The following CNTN4 variants were observed in gnomAD, a reference collection of about 807,000 sequenced individuals.
The protein encoded by CNTN4 is contactin-4.
In CNTN4, 77 loss-of-function variants were observed where a neutral mutation model predicts 122.5. The ratio of observed to expected loss-of-function variants is 0.63; its 90% CI spans 0.52 to 0.76. The LOEUF (loss-of-function observed/expected upper bound fraction) is 0.76. Among genes scored for constraint, CNTN4 ranks in the 30% least tolerant of loss-of-function variants. The probability of loss-of-function intolerance (pLI) is 0.00; values close to 1 mark genes in which losing one functional copy is unlikely to be tolerated. For missense variants in CNTN4, 1,256 were observed against 1,259.1 expected, an observed-to-expected ratio of 1.00 and a Z score of 0.04; for synonymous variants, 512 against 447.0, an observed-to-expected ratio of 1.15 and a Z score of -1.83.
intron 14 of CNTN4, among the ~76,000 whole-genome samples, chr3:2,993,290 G>A (rs3967344): frequency 0.12 from 18,800 of 150,884 alleles, 1,476 homozygotes; most frequent in Non-Finnish European, 0.17. Context: ...TTATGACAGA[G>A]ACTGTGTAAT....
chr3:2,399,847 G>A (rs1382035611), intron 3 of CNTN4, among the ~76,000 whole-genome samples: 1 of 151,938 alleles, frequency 6.6e-6, no homozygotes, highest in African/African-American at 2.4e-5. Flanking sequence ...AAAATCAAAT[G>A]GTTTCATCAT....
chr3:2,338,470 GT>G (rs1165945726), intron 2 of CNTN4, among the ~76,000 whole-genome samples: 3 of 151,862 alleles, frequency 2.0e-5, no homozygotes, highest in African/African-American at 7.2e-5. Context: ...TTTATTTTCA[GT>G]TATTAAAACT....
rs578252176 is a variant in CNTN4 at position 2,238,256 on chromosome 3, A to G, written c.-144-100922A>G. Reference sequence around the variant, plus strand: ...TTCTAGGAATTGTATAACAGTTTTGATTACTGATTTTGACGGGACTACTTT... The same window carrying G: ...TTCTAGGAATTGTATAACAGTTTTGGTTACTGATTTTGACGGGACTACTTT... On this transcript the variant is annotated intron_variant, in intron 2 of 24. Coordinates refer to ENST00000418658, the MANE Select transcript of CNTN4 (RefSeq NM_175607.3). 1.5e-3 allele frequency among the ~76,000 whole-genome samples: 231 copies of G among 152,234 alleles called. 1 individual carries two copies. In the Middle Eastern group the frequency reaches 0.024, roughly 16 times the overall value.
chr3:2,398,995 A>G (rs1036435898), intron 3 of CNTN4, among the ~76,000 whole-genome samples: 2 of 152,182 alleles, frequency 1.3e-5, no homozygotes, highest in Admixed American at 6.6e-5. Context: ...TTTAAAACCC[A>G]TATGGTAACT....
At chr3:2,684,017 G>A (rs2085304221) in intron 4 of CNTN4, among the ~76,000 whole-genome samples, 1 of 152,148 alleles carries the variant, frequency 6.6e-6, no homozygotes, top group Non-Finnish European at 1.5e-5. Context: ...CAACCTTACA[G>A]GCAGGGTTTA....
intron 2 of CNTN4, among the ~76,000 whole-genome samples, chr3:2,293,670 A>G (rs2042209429): frequency 6.6e-6 from 1 of 152,200 alleles, no homozygotes; most frequent in African/African-American, 2.4e-5. Context: ...TTATTACTTT[A>G]TATCTTTCTT....
chr3:3,019,251 G>A (rs1019394145), intron 14 of CNTN4, among the ~76,000 whole-genome samples: 40 of 152,124 alleles, frequency 2.6e-4, no homozygotes, highest in African/African-American at 8.7e-4. Context: ...ATCAGGTACT[G>A]GTGTAATCTT....
At chr3:2,464,622 A>G (rs1271042686) in intron 3 of CNTN4, among the ~76,000 whole-genome samples, 1 of 152,194 alleles carries the variant, frequency 6.6e-6, no homozygotes, top group Non-Finnish European at 1.5e-5. Context: ...AAAATGATAC[A>G]TTATTGGGAT....
chr3:2,592,413 C>T (rs1004917153), intron 4 of CNTN4, among the ~76,000 whole-genome samples: 11 of 152,156 alleles, frequency 7.2e-5, no homozygotes, highest in African/African-American at 2.4e-4. Context: ...TGGTTTGGTT[C>T]TGTGTCCCCA....
intron 2 of CNTN4, among the ~76,000 whole-genome samples, chr3:2,185,110 GC>G (rs1482352855): frequency 1.2e-4 from 18 of 152,128 alleles, no homozygotes; most frequent in Admixed American, 1.1e-3. Context: ...ATGGAGCCTG[GC>G]CTGGGCTTTT....
At chr3:2,675,176 AT>A (rs1320180126) in intron 4 of CNTN4, among the ~76,000 whole-genome samples, 1 of 151,234 alleles carries the variant, frequency 6.6e-6, no homozygotes, top group East Asian at 1.9e-4. Context: ...AAACACCCAT[AT>A]TTTTTAAAAG....
intron 6 of CNTN4, among the ~76,000 whole-genome samples, chr3:2,770,015 TTTTG>T (rs138191263): frequency 0.78 from 109,321 of 140,184 alleles, 43,987 homozygotes; most frequent in Non-Finnish European, 0.88. Flanking sequence ...CTCTGTCTCT[TTTTG>T]TTTGTTTGTT....
chr3:2,674,315 G>A (rs995031502), intron 4 of CNTN4, among the ~76,000 whole-genome samples: 1 of 151,844 alleles, frequency 6.6e-6, no homozygotes, highest in Non-Finnish European at 1.5e-5. Flanking sequence ...ATATTTATGG[G>A]GTTCAGTGTG....
intron 3 of CNTN4, among the ~76,000 whole-genome samples, chr3:2,550,922 G>A: frequency 6.6e-6 from 1 of 152,082 alleles, no homozygotes; most frequent in East Asian, 1.9e-4. Context: ...GACACAGGGA[G>A]GGGAACATCA....
chr3:2,247,879 C>G (rs2040216687), intron 2 of CNTN4, among the ~76,000 whole-genome samples: 1 of 151,986 alleles, frequency 6.6e-6, no homozygotes, highest in South Asian at 2.1e-4. Flanking sequence ...ATTTTCTCTA[C>G]AATTCTCTCA....
chr3:2,241,339 C>T (rs1417191394), intron 2 of CNTN4, among the ~76,000 whole-genome samples: 1 of 152,114 alleles, frequency 6.6e-6, no homozygotes, highest in Non-Finnish European at 1.5e-5. Flanking sequence ...AGTTACAATG[C>T]TGACATCAAG....
chr3:3,031,495 T>C (rs1699158374), intron 16 of CNTN4, among the ~76,000 whole-genome samples: 1 of 152,108 alleles, frequency 6.6e-6, no homozygotes, highest in African/African-American at 2.4e-5. Context: ...TGGGATGTAG[T>C]AAATGAGCTG....
chr3:2,251,020 A>G (rs912759003), intron 2 of CNTN4, among the ~76,000 whole-genome samples: 1 of 151,912 alleles, frequency 6.6e-6, no homozygotes, highest in African/African-American at 2.4e-5. Flanking sequence ...TCACCTATAT[A>G]TATAGTGTCA....
chr3:2,700,410 A>G (rs986076552), intron 4 of CNTN4, among the ~76,000 whole-genome samples: 2 of 152,186 alleles, frequency 1.3e-5, no homozygotes, highest in East Asian at 3.9e-4. Flanking sequence ...TGAATGCATG[A>G]TTTGGTTTGT....
Sources: allele counts gnomAD v4.1 joint callset (sites outside exome capture counted in the v4.1 genomes callset), GRCh38; gene constraint gnomAD v4.1.1; transcripts MANE v1.5; gene names NCBI Gene and HGNC (gene_info 2026-07-23, HGNC 2026-07-21).